Variants in ZFHX3 observed in about 807,000 individuals in gnomAD.
ZFHX3 encodes zinc finger homeobox protein 3.
A neutral mutation model predicts 279.1 loss-of-function variants in ZFHX3; 42 were observed. The ratio of observed to expected loss-of-function variants is 0.15; its 90% CI spans 0.12 to 0.19. The LOEUF is 0.19. ZFHX3 is among the 10% of genes least tolerant of loss of function. ZFHX3 has a pLI of 1.00. For missense variants in ZFHX3, 4,981 were observed against 4,754.0 expected (o/e 1.05, Z -1.40); for synonymous variants, 2,293 against 1,957.8 (o/e 1.17, Z -4.52).
intron 2 of ZFHX3, among the ~76,000 whole-genome samples, chr16:73,662,534 T>C (rs560787337): frequency 6.6e-6 from 1 of 152,108 alleles, no homozygotes; most frequent in Non-Finnish European, 1.5e-5. Flanking sequence ...GCCCTCACTT[T>C]AGAACAATAA....
intron 2 of ZFHX3, among the ~76,000 whole-genome samples, chr16:73,553,094 T>C (rs912676229): frequency 2.6e-5 from 4 of 152,188 alleles, no homozygotes; most frequent in Admixed American, 1.3e-4. Context: ...CATTTGCTCA[T>C]TGGCTCCATG....
At chr16:73,001,595 TTCAG>T (rs1257984398) in intron 1 of ZFHX3, among the ~76,000 whole-genome samples, 4 of 151,958 alleles carry the variant, frequency 2.6e-5, no homozygotes, top group African/African-American at 4.8e-5. Context: ...AGAGGATCAC[TTCAG>T]CTCAGAGGTT....
intron 5 of ZFHX3, among the ~76,000 whole-genome samples, chr16:73,252,692 A>C (rs1321430485): frequency 1.3e-5 from 2 of 152,128 alleles, no homozygotes; most frequent in East Asian, 1.9e-4. Context: ...CAAATGTAGA[A>C]ACATCGGTCA....
At chr16:72,911,971 T>C (rs2039329700) in intron 3 of ZFHX3, among the ~76,000 whole-genome samples, 1 of 152,232 alleles carries the variant, frequency 6.6e-6, no homozygotes, top group African/African-American at 2.4e-5. Flanking sequence ...AGCCCGGTAA[T>C]GTAGACGCTG....
chr16:73,807,409 T>G (rs1960307429), intron 1 of ZFHX3, among the ~76,000 whole-genome samples: 1 of 152,116 alleles, frequency 6.6e-6, no homozygotes, highest in Non-Finnish European at 1.5e-5. Flanking sequence ...GAGATATGTT[T>G]TAGAAATATC....
chr16:73,792,865 C>A (rs917737063), intron 1 of ZFHX3, among the ~76,000 whole-genome samples: 1 of 148,588 alleles, frequency 6.7e-6, no homozygotes, highest in Admixed American at 6.7e-5. Context: ...CACCCCCCCC[C>A]TCCCCTCTCT....
chr16:73,774,253 T>C lies in ZFHX3; in HGVS notation c.-1607-94013A>G, dbSNP rs139395208. ...GTAATGGGTAAGGGTGGACATTGTC[T>C]ATTTTACTATTCACTGTAGAATCCC... On this transcript the variant is annotated intron_variant, in intron 1 of 17. Transcript: ENST00000641206. Among the ~76,000 whole-genome samples, 537 of 152,344 alleles carry C rather than the reference T, an allele frequency of 3.5e-3. 11 individuals carry two copies. The highest frequency in any genetic ancestry group is 0.012 in the African/African-American group (518 of 41,576).
intron 2 of ZFHX3, among the ~76,000 whole-genome samples, chr16:73,580,476 CA>C: frequency 7.8e-6 from 1 of 128,322 alleles, no homozygotes; most frequent in East Asian, 2.4e-4. Flanking sequence ...GACTCCGTCT[CA>C]AAAAAACAAA....
At chr16:72,791,594 CA>C (rs2143351212) in intron 9 of ZFHX3, 1 of 152,336 alleles carries the variant, frequency 6.6e-6, no homozygotes, top group South Asian at 2.1e-4. Flanking sequence ...ATCTGTAAAA[CA>C]AGCGGAATAA....
At chr16:73,501,349 C>T (rs2019235964) in intron 2 of ZFHX3, among the ~76,000 whole-genome samples, 1 of 152,200 alleles carries the variant, frequency 6.6e-6, no homozygotes, top group African/African-American at 2.4e-5. Flanking sequence ...CACTCACGTA[C>T]AGACAATTTG....
At chr16:73,399,481 T>G (rs1270731069) in intron 3 of ZFHX3, among the ~76,000 whole-genome samples, 1 of 152,194 alleles carries the variant, frequency 6.6e-6, no homozygotes, top group Non-Finnish European at 1.5e-5. Context: ...TTTATAATCC[T>G]TCTTTTTCCT....
chr16:73,850,017 G>A (rs1210930137), intron 1 of ZFHX3, among the ~76,000 whole-genome samples: 1 of 152,206 alleles, frequency 6.6e-6, no homozygotes, highest in Non-Finnish European at 1.5e-5. Flanking sequence ...ACAGGCGTGA[G>A]CCACCGCGCC....
chr16:72,990,707 G>A (rs971712176), intron 1 of ZFHX3, among the ~76,000 whole-genome samples: 18 of 152,182 alleles, frequency 1.2e-4, no homozygotes, highest in African/African-American at 3.1e-4. Flanking sequence ...ATGGCTGGGC[G>A]CAGTGGCTCA....
chr16:72,956,842 A>C (rs998597602), intron 2 of ZFHX3, among the ~76,000 whole-genome samples: 2 of 151,580 alleles, frequency 1.3e-5, no homozygotes, highest in African/African-American at 2.4e-5. Flanking sequence ...AAAAAAAAAA[A>C]CATCTCTTTC....
chr16:72,963,975 CAA>C (rs1036468025), intron 1 of ZFHX3, among the ~76,000 whole-genome samples: 6 of 152,196 alleles, frequency 3.9e-5, no homozygotes, highest in Non-Finnish European at 8.8e-5. Context: ...GGAGGAAAAA[CAA>C]AGAGAGAATA....
In ZFHX3 at chr16:72,797,563, G is replaced by A. The variant is rs1159359547; in HGVS notation, c.5119C>T (p.Pro1707Ser). 1 of 1,614,052 alleles carries A rather than the reference G, an allele frequency of 6.2e-7. No homozygotes were observed. The highest frequency in any genetic ancestry group is 8.5e-7 in the Non-Finnish European group (1 of 1,180,028). ...IGANIASPSE[P>S]KEANRKKLAD... ...AGTTTCTTCCGATTGGCCTCTTTGG[G>A]CTCTGAAGGGGAAGCAATGTTGGCA... The change falls in exon 9 of 10, where the codon CCC (proline) becomes TCC (serine). Residue 1707 changes from proline (P) to serine (S), a missense_variant. Coordinates refer to ENST00000268489, the MANE Select transcript of ZFHX3 (RefSeq NM_006885.4).
At chr16:73,183,838 C>T (rs1967852452) in intron 5 of ZFHX3, among the ~76,000 whole-genome samples, 1 of 151,882 alleles carries the variant, frequency 6.6e-6, no homozygotes, top group Non-Finnish European at 1.5e-5. Context: ...AGGTCGGCTC[C>T]TGCGAACCGT....
chr16:73,093,269 G>A (rs1374920898), exon 8 of ZFHX3: 2 of 498,492 alleles, frequency 4.0e-6, no homozygotes. Flanking sequence ...CAAAGGCCAC[G>A]TGCCACCCTT....
intron 1 of ZFHX3, among the ~76,000 whole-genome samples, chr16:73,830,293 C>A: frequency 6.8e-6 from 1 of 146,338 alleles, no homozygotes; most frequent in Non-Finnish European, 1.5e-5. Context: ...CACTGGCCTG[C>A]GCCCACTGTC....
Sources: allele counts gnomAD v4.1 joint callset (sites outside exome capture counted in the v4.1 genomes callset), GRCh38; gene constraint gnomAD v4.1.1; transcripts MANE v1.5; gene names NCBI Gene and HGNC (gene_info 2026-07-23, HGNC 2026-07-21).